The following ADAMTSL3 variants were observed in gnomAD, a reference collection of about 807,000 sequenced individuals.
The protein encoded by ADAMTSL3 is ADAMTS like 3.
ADAMTSL3 carries 128 observed loss-of-function variants against 201.7 expected under a neutral mutation model. That is an observed-to-expected ratio of 0.63 (90% CI 0.55 to 0.73). The LOEUF (loss-of-function observed/expected upper bound fraction) is 0.73. ADAMTSL3 is among the 30% of genes least tolerant of loss of function. The pLI is 0.00. For missense variants in ADAMTSL3, 1,990 were observed against 2,119.6 expected, an observed-to-expected ratio of 0.94 and a Z score of 1.20; for synonymous variants, 738 against 748.4, an observed-to-expected ratio of 0.99 and a Z score of 0.23.
At chr15:83,903,068 A>C (rs1005450562) in intron 15 of ADAMTSL3, among the ~76,000 whole-genome samples, 3 of 152,088 alleles carry the variant, frequency 2.0e-5, no homozygotes, top group Non-Finnish European at 4.4e-5. Context: ...TATCTCAAAA[A>C]GAAGTCTTTA....
chr15:83,696,332 G>A (rs1256073648), intron 2 of ADAMTSL3, among the ~76,000 whole-genome samples: 5 of 152,126 alleles, frequency 3.3e-5, no homozygotes, highest in African/African-American at 9.7e-5. Context: ...CTCCTGCCTC[G>A]GCTTCCCTAA....
At chr15:83,856,680 T>C (rs2064742056) in intron 7 of ADAMTSL3, among the ~76,000 whole-genome samples, 1 of 152,192 alleles carries the variant, frequency 6.6e-6, no homozygotes, top group Non-Finnish European at 1.5e-5. Flanking sequence ...TCTGCCTTTG[T>C]AGAGCAAAAA....
At chr15:83,888,944 A>C (rs962184428) in intron 10 of ADAMTSL3, among the ~76,000 whole-genome samples, 1 of 152,240 alleles carries the variant, frequency 6.6e-6, no homozygotes, top group African/African-American at 2.4e-5. Context: ...TGGCAGAGGC[A>C]GAGTGCTTGG....
At chr15:83,823,895 CTT>C (rs1473081186) in intron 6 of ADAMTSL3, among the ~76,000 whole-genome samples, 28 of 15,094 alleles carry the variant, frequency 1.9e-3, no homozygotes, top group South Asian at 3.5e-3. Flanking sequence ...TCTTCTTCCT[CTT>C]CTTCTTCTTC....
intron 6 of ADAMTSL3, among the ~76,000 whole-genome samples, chr15:83,820,364 C>T (rs2063842572): frequency 2.0e-5 from 3 of 152,114 alleles, no homozygotes; most frequent in Admixed American, 2.0e-4. Flanking sequence ...AGGCATGAGC[C>T]ACCGCGCCGG....
At chr15:83,846,183 A>G (rs1023691409) in intron 7 of ADAMTSL3, among the ~76,000 whole-genome samples, 6 of 152,224 alleles carry the variant, frequency 3.9e-5, no homozygotes, top group Non-Finnish European at 8.8e-5. Flanking sequence ...TGGGAAAATA[A>G]TAGTAATAAT....
At position 83,712,211 on chromosome 15, in the gene ADAMTSL3, C is replaced by CT. The variant is rs1318143967; in HGVS notation, c.189+7707dup. ...TCCACCATCTCCTCTCTTCAGTGGC[C>CT]TTTTATGACTTGCTTTTCTGTTCTT... On this transcript the variant is annotated intron_variant, in intron 3 of 29. Coordinates refer to ENST00000286744, the MANE Select transcript of ADAMTSL3 (RefSeq NM_207517.3). Among the ~76,000 whole-genome samples the CT allele has an allele frequency of 2.0e-5, 3 of 152,308 alleles. No homozygotes were observed. The East Asian group carries it at 5.8e-4, about 29-fold the overall frequency.
chr15:83,952,315 A>T (rs2142065552), intron 19 of ADAMTSL3, among the ~76,000 whole-genome samples: 1 of 152,332 alleles, frequency 6.6e-6, no homozygotes, highest in African/African-American at 2.4e-5. Flanking sequence ...GTGGTCAGAA[A>T]AGGTGCTTGA....
chr15:84,004,651 C>G (rs2067860205), intron 23 of ADAMTSL3, among the ~76,000 whole-genome samples: 1 of 152,164 alleles, frequency 6.6e-6, no homozygotes, highest in South Asian at 2.1e-4. Context: ...TGGTAGAACC[C>G]AGCTCCATGC....
chr15:83,876,834 C>T, intron 9 of ADAMTSL3, among the ~76,000 whole-genome samples: 1 of 152,118 alleles, frequency 6.6e-6, no homozygotes, highest in East Asian at 1.9e-4. Context: ...TCTCTGTCGC[C>T]CAGACTGGAG....
At chr15:83,727,649 T>TA (rs1394268592) in intron 3 of ADAMTSL3, among the ~76,000 whole-genome samples, 1 of 152,106 alleles carries the variant, frequency 6.6e-6, no homozygotes, top group African/African-American at 2.4e-5. Context: ...GCATATTGTT[T>TA]AATTTCCATG....
chr15:83,940,229 C>T (rs372821245), intron 17 of ADAMTSL3, among the ~76,000 whole-genome samples: 7 of 152,312 alleles, frequency 4.6e-5, no homozygotes, highest in East Asian at 3.9e-4. Flanking sequence ...AAGATTACAG[C>T]GTACTTTCTA....
At chr15:83,700,886 G>C (rs1458105462) in intron 2 of ADAMTSL3, among the ~76,000 whole-genome samples, 1 of 152,204 alleles carries the variant, frequency 6.6e-6, no homozygotes, top group Non-Finnish European at 1.5e-5. Flanking sequence ...TATTTTAACA[G>C]TCTAGTGCTA....
At chr15:83,927,892 CTCTT>C (rs1350274706) in intron 17 of ADAMTSL3, among the ~76,000 whole-genome samples, 3 of 152,070 alleles carry the variant, frequency 2.0e-5, no homozygotes, top group African/African-American at 7.2e-5. Context: ...AGCCAGTACT[CTCTT>C]TCTAGAAAGA....
intron 4 of ADAMTSL3, among the ~76,000 whole-genome samples, chr15:83,799,518 T>A (rs2063484430): frequency 6.6e-6 from 1 of 152,164 alleles, no homozygotes. Flanking sequence ...AAAATTAATA[T>A]ATTTTTATTC....
intron 16 of ADAMTSL3, among the ~76,000 whole-genome samples, chr15:83,913,623 A>C (rs909874388): frequency 6.6e-6 from 1 of 152,104 alleles, no homozygotes; most frequent in South Asian, 2.1e-4. Context: ...GAGAATCTGC[A>C]TGACTGAGAT....
intron 2 of ADAMTSL3, among the ~76,000 whole-genome samples, chr15:83,677,838 C>CT (rs898330461): frequency 2.1e-4 from 32 of 151,466 alleles, no homozygotes; most frequent in African/African-American, 6.3e-4. Flanking sequence ...TTTAGTCTCA[C>CT]TTTTTTTTGT....
At chr15:83,807,238 G>A (rs553048699) in intron 5 of ADAMTSL3, among the ~76,000 whole-genome samples, 3 of 152,082 alleles carry the variant, frequency 2.0e-5, no homozygotes, top group South Asian at 2.1e-4. Context: ...GGTGGATCAC[G>A]AGGTCAGGAA....
At chr15:83,668,857 G>A (rs1417828423) in intron 2 of ADAMTSL3, among the ~76,000 whole-genome samples, 1 of 152,016 alleles carries the variant, frequency 6.6e-6, no homozygotes, top group Non-Finnish European at 1.5e-5. Context: ...ATCCTCCTTG[G>A]ACCAAGAGAC....
Sources: allele counts gnomAD v4.1 joint callset (sites outside exome capture counted in the v4.1 genomes callset), GRCh38; gene constraint gnomAD v4.1.1; transcripts MANE v1.5; gene names NCBI Gene and HGNC (gene_info 2026-07-23, HGNC 2026-07-21).